Variants in KCNQ3 observed in about 807,000 individuals in gnomAD.
KCNQ3 encodes potassium voltage-gated channel subfamily KQT member 3.
A neutral mutation model predicts 92.5 loss-of-function variants in KCNQ3; 30 were observed. That is an observed-to-expected ratio of 0.32 (90% CI 0.24 to 0.44). KCNQ3 has a LOEUF of 0.44. KCNQ3 is among the 20% of genes least tolerant of loss of function. The probability of loss-of-function intolerance (pLI) is 1.00; values close to 1 mark genes in which losing one functional copy is unlikely to be tolerated. For synonymous variants in KCNQ3, 450 were observed against 468.8 expected (o/e 0.96, Z 0.52); for missense variants, 913 against 1,140.3 (o/e 0.80, Z 2.87).
chr8:132,231,140 A>T lies in KCNQ3; in HGVS notation c.387-44959T>A, dbSNP rs559249341. 5.9e-5 allele frequency among the ~76,000 whole-genome samples: 9 copies of T among 152,336 alleles called. No individual in the cohort carries two copies. The South Asian group carries it at 1.9e-3, about 32-fold the overall frequency. On this transcript the variant is annotated intron_variant, in intron 1 of 14. Transcript: ENST00000388996. The stretch of plus-strand genomic sequence containing the variant: ...CCGAGGATTGCCAGAAAACAGCAGA[A>T]GCTGGGAAGGGCCAAGGAAGGATTC...
intron 1 of KCNQ3, among the ~76,000 whole-genome samples, chr8:132,460,172 T>C (rs1218326892): frequency 1.3e-5 from 2 of 152,136 alleles, no homozygotes; most frequent in African/African-American, 4.8e-5. Flanking sequence ...CTGTATCCTT[T>C]TTGTGCAGAA....
chr8:132,330,874 C>T (rs1026238569), intron 1 of KCNQ3, among the ~76,000 whole-genome samples: 3 of 152,154 alleles, frequency 2.0e-5, no homozygotes, highest in Non-Finnish European at 4.4e-5. Flanking sequence ...ATTGAGAGCC[C>T]CAGGAGTCAG....
chr8:132,137,790 G>T, intron 12 of KCNQ3, 95 bp downstream of exon 12: 2 of 1,441,592 alleles, frequency 1.4e-6, no homozygotes, highest in Non-Finnish European at 9.7e-7. Flanking sequence ...ATCTCTCCCT[G>T]CATTTTGAAT....
chr8:132,410,215 G>T (rs567454504), intron 1 of KCNQ3, among the ~76,000 whole-genome samples: 8 of 152,254 alleles, frequency 5.3e-5, no homozygotes, highest in Non-Finnish European at 1.0e-4. Context: ...TTTAAAGTGA[G>T]GACTCAAAAA....
At chr8:132,282,369 C>T (rs1012284323) in intron 1 of KCNQ3, among the ~76,000 whole-genome samples, 2 of 152,144 alleles carry the variant, frequency 1.3e-5, no homozygotes, top group African/African-American at 4.8e-5. Flanking sequence ...TTCCTTTGCT[C>T]GGCTAAAGAA....
At chr8:132,340,608 T>G (rs1975818) in intron 1 of KCNQ3, among the ~76,000 whole-genome samples, 4 of 151,624 alleles carry the variant, frequency 2.6e-5, no homozygotes, top group Admixed American at 2.0e-4. Context: ...CCAGGGCCTA[T>G]TGGGGGGTGG....
chr8:132,318,443 G>T (rs1441135969), intron 1 of KCNQ3, among the ~76,000 whole-genome samples: 1 of 152,202 alleles, frequency 6.6e-6, no homozygotes, highest in Non-Finnish European at 1.5e-5. Context: ...CTGTTTGTAA[G>T]ACTTTGTGAT....
intron 1 of KCNQ3, among the ~76,000 whole-genome samples, chr8:132,314,507 CAG>C (rs1817683817): frequency 6.6e-6 from 1 of 152,050 alleles, no homozygotes; most frequent in Non-Finnish European, 1.5e-5. Context: ...TTCAGAAAAA[CAG>C]AGTAATAAGA....
rs371366449 is a variant in KCNQ3 at position 132,129,724 on chromosome 8, G to A, written c.2157C>T (p.Asn719=). The part of the protein sequence containing the change: ...PYGFFAHDPV[N]LPRGGPSSGK... The stretch of plus-strand genomic sequence containing the variant: ...CAGAACTGGGTCCCCCTCGGGGCAG[G>A]TTCACAGGGTCATGTGCAAAAAACC... Residue 719 remains asparagine, a synonymous_variant, in exon 15 of 15, where the codon AAC becomes AAT. Transcript: ENST00000388996. This position sits in a 1 kb window ranked among gnomAD's most constrained non-coding sequence, Gnocchi z 5.9. 1.9e-6 allele frequency: 3 copies of A among 1,614,082 alleles called. No homozygotes were observed. The highest frequency in any genetic ancestry group is 2.7e-5 in the African/African-American group (2 of 74,940).
At chr8:132,293,811 A>G (rs1462060267) in intron 1 of KCNQ3, among the ~76,000 whole-genome samples, 2 of 152,152 alleles carry the variant, frequency 1.3e-5, no homozygotes, top group East Asian at 3.9e-4. Flanking sequence ...TTATCTGGAA[A>G]TGGCAGCAAG....
chr8:132,254,511 C>T (rs1475238005), intron 1 of KCNQ3, among the ~76,000 whole-genome samples: 1 of 152,192 alleles, frequency 6.6e-6, no homozygotes, highest in Non-Finnish European at 1.5e-5. Flanking sequence ...TTTGTCTCTT[C>T]AAGATTGTGG....
At chr8:132,374,872 G>T (rs1819568963) in intron 1 of KCNQ3, among the ~76,000 whole-genome samples, 1 of 152,096 alleles carries the variant, frequency 6.6e-6, no homozygotes, top group Non-Finnish European at 1.5e-5. Context: ...CTTTTTTATG[G>T]CTGCATAGTA....
chr8:132,134,255 C>A (rs1166334499), intron 13 of KCNQ3, 35 bp downstream of exon 13: 5 of 1,534,404 alleles, frequency 3.3e-6, no homozygotes, highest in Non-Finnish European at 4.5e-6. Context: ...AAACTTTGCA[C>A]CCCTGGCCCA....
intron 1 of KCNQ3, among the ~76,000 whole-genome samples, chr8:132,400,349 A>G (rs1034316157): frequency 4.6e-5 from 7 of 152,340 alleles, no homozygotes; most frequent in African/African-American, 1.7e-4. Context: ...GTGGAACCCC[A>G]GGGCCGGCTT....
At chr8:132,426,532 A>G (rs1821116749) in intron 1 of KCNQ3, among the ~76,000 whole-genome samples, 1 of 152,180 alleles carries the variant, frequency 6.6e-6, no homozygotes, top group Non-Finnish European at 1.5e-5. Flanking sequence ...GGCTGTGAGT[A>G]TATGTGAAGA....
At chr8:132,418,185 G>A (rs1251579870) in intron 1 of KCNQ3, among the ~76,000 whole-genome samples, 1 of 152,178 alleles carries the variant, frequency 6.6e-6, no homozygotes, top group Non-Finnish European at 1.5e-5. Context: ...CGAAAACAAG[G>A]AGGAAACAAT....
At chr8:132,258,191 C>G (rs553312623) in intron 1 of KCNQ3, among the ~76,000 whole-genome samples, 1 of 152,192 alleles carries the variant, frequency 6.6e-6, no homozygotes, top group East Asian at 1.9e-4. Context: ...ACAATCCACC[C>G]AACAACAGCA....
rs566246238 is a variant in KCNQ3, at chr8:132,167,741, A to G, written c.1235+2593T>C. Among the ~76,000 whole-genome samples the G allele has an allele frequency of 2.8e-3, 425 of 152,392 alleles. 1 individual carries two copies. The highest frequency in any genetic ancestry group is 5.4e-3 in the Non-Finnish European group (366 of 68,044). ...TCATATCACAGCAGCTGTCTGCAGCACAATGTATTCCTCCAAGTCTCTGAC... is the reference window on the plus strand; with the variant it reads ...TCATATCACAGCAGCTGTCTGCAGCGCAATGTATTCCTCCAAGTCTCTGAC... On this transcript the variant is annotated intron_variant, in intron 8 of 14. Coordinates refer to ENST00000388996, the MANE Select transcript of KCNQ3 (RefSeq NM_004519.4).
chr8:132,374,231 C>T (rs532692363), intron 1 of KCNQ3, among the ~76,000 whole-genome samples: 3 of 152,302 alleles, frequency 2.0e-5, no homozygotes, highest in Non-Finnish European at 4.4e-5. Flanking sequence ...TGTTTCCTCC[C>T]TTATAAAATG....
Sources: allele counts gnomAD v4.1 joint callset (sites outside exome capture counted in the v4.1 genomes callset), GRCh38; gene constraint gnomAD v4.1.1; non-coding constraint Gnocchi (gnomAD v3.1); transcripts MANE v1.5; gene names NCBI Gene and HGNC (gene_info 2026-07-23, HGNC 2026-07-21).